Variants in KDELR1 observed in about 807,000 individuals in gnomAD.
The protein encoded by KDELR1 is ER lumen protein-retaining receptor 1.
In KDELR1, 16 loss-of-function variants were observed where a neutral mutation model predicts 25.5. The observed-to-expected ratio is 0.63, with a 90% CI of 0.43 to 0.95. The LOEUF (loss-of-function observed/expected upper bound fraction) is 0.95, where lower values mean the gene tolerates loss of function less well. KDELR1 is among the 40% of genes least tolerant of loss of function. The pLI, the probability that KDELR1 is intolerant of heterozygous loss-of-function variation, is 0.00. For synonymous variants in KDELR1, 121 were observed against 115.0 expected (o/e 1.05, Z -0.33); for missense variants, 159 against 265.2 (o/e 0.60, Z 2.78).
chr19:48,391,469 C>G lies in KDELR1; in HGVS notation c.-111G>C. ...CTGGGCTGGGGGGACGGAAGAGGGA[C>G]CCTAGGTGCGCTCCGCTCCGGGGAG... On this transcript the variant is annotated 5_prime_UTR_variant, in exon 1 of 5. Coordinates refer to ENST00000330720, the MANE Select transcript of KDELR1 (RefSeq NM_006801.3). The G allele has an allele frequency of 3.7e-6, 3 of 801,850 alleles. No individual in the cohort carries two copies. In the South Asian group the frequency reaches 4.7e-5, roughly 12 times the overall value. The allele number at this position is 801,850 out of a possible 1,614,324, so 49.7% of individuals were successfully genotyped here.
chr19:48,391,124 C>T, intron 1 of KDELR1, 144 bp downstream of exon 1: 1 of 733,866 alleles, frequency 1.4e-6, no homozygotes. Context: ...CCCTGGAGAC[C>T]CAGAACCTAG....
chr19:48,393,955 GGTCT>G (rs1296745884), upstream of KDELR1, among the ~76,000 whole-genome samples: 2 of 152,088 alleles, frequency 1.3e-5, no homozygotes, highest in South Asian at 2.1e-4. This position sits in a 1 kb window ranked among gnomAD's most constrained non-coding sequence, Gnocchi z 5.6. Flanking sequence ...GGGAGGGAGG[GGTCT>G]GTCTGTCTGT....
At chr19:48,386,107 T>C (rs1424455917) in intron 3 of KDELR1, among the ~76,000 whole-genome samples, 1 of 151,646 alleles carries the variant, frequency 6.6e-6, no homozygotes, top group African/African-American at 2.4e-5. Flanking sequence ...AGAAGGTCTG[T>C]TGCTTTTTTT....
At chr19:48,390,705 G>A (rs1489768806) in intron 1 of KDELR1, 181 bp from the exon 2 acceptor site, 3 of 556,048 alleles carry the variant, frequency 5.4e-6, no homozygotes, top group Non-Finnish European at 9.6e-6. Context: ...GTCCCCGGAG[G>A]CCTCCCCAGC....
intron 3 of KDELR1, chr19:48,387,714 G>A (rs1438873867): frequency 1.3e-5 from 2 of 149,876 alleles, no homozygotes; most frequent in African/African-American, 2.5e-5. Flanking sequence ...AAGAAATATA[G>A]TCTGAATCTG....
intron 2 of KDELR1, 85 bp downstream of exon 2, chr19:48,390,339 C>A: frequency 1.0e-6 from 1 of 999,702 alleles, no homozygotes; most frequent in Non-Finnish European, 1.5e-6. Context: ...CCCCCAGCCC[C>A]TCCTCCCTCA....
At chr19:48,390,202 G>A in intron 2 of KDELR1, 1 of 366,404 alleles carries the variant, frequency 2.7e-6, no homozygotes, top group Non-Finnish European at 4.8e-6. Flanking sequence ...TCCTCCCTCA[G>A]ACCCAGGAGT....
chr19:48,384,559 C>G lies in KDELR1; in HGVS notation c.352-77G>C, dbSNP rs909885691. 2.6e-6 allele frequency: 4 copies of G among 1,518,618 alleles called. No homozygotes were observed. The African/African-American group carries it at 5.5e-5, about 21-fold the overall frequency. The allele number at this position is 1,518,618 out of a possible 1,614,324, so 94.1% of individuals were successfully genotyped here. The stretch of plus-strand genomic sequence containing the variant: ...AAGGCAGAGGACAACATTGCAGTTA[C>G]AGGTGCCGCGAAGGTGGAGAGAAGG... On this transcript the variant is annotated intron_variant, in intron 3 of 4. Transcript: ENST00000330720. The surrounding 1 kb of genome is among the most constrained non-coding windows in gnomAD (Gnocchi z 4.6).
Position 48,383,329 on chromosome 19 carries a change from T to C in KDELR1, c.605-2A>G. On this transcript the variant is annotated splice_acceptor_variant, in intron 4 of 4. Transcript: ENST00000330720. LOFTEE classifies it high-confidence loss of function. ...AACTCAACTTCTTCCCCTTTAGGAC[T>C]GTGAGGAGAGAAAACAGGGAGGGCA... The C allele has an allele frequency of 6.4e-7, 1 of 1,551,940 alleles. No individual in the cohort carries two copies. Among genetic ancestry groups the C allele is most frequent in the Non-Finnish European group, 8.7e-7 (1 of 1,147,162 alleles).
chr19:48,394,255 A>G (rs276716), upstream of KDELR1, among the ~76,000 whole-genome samples: 95,488 of 151,184 alleles, frequency 0.63, 31,632 homozygotes, highest in East Asian at 0.85. This position sits in a 1 kb window ranked among gnomAD's most constrained non-coding sequence, Gnocchi z 5.1. Context: ...GGGAAGTGAG[A>G]TCGTGCGTGT....
rs1236098581 is a variant in KDELR1, at chr19:48,391,368, A to C, written c.-10T>G. ...ATCGGAAGAGATTCATGGCTGGGGA[A>C]CCCTGGCAGGGCTGAGCGGGAGGGA... On this transcript the variant is annotated 5_prime_UTR_variant, in exon 1 of 5. Transcript: ENST00000330720. 11 of 1,550,114 alleles carry C rather than the reference A, an allele frequency of 7.1e-6. No individual in the cohort carries two copies. The highest frequency in any genetic ancestry group is 9.6e-6 in the Non-Finnish European group (11 of 1,145,706).
At chr19:48,386,017 G>A (rs971639765) in intron 3 of KDELR1, among the ~76,000 whole-genome samples, 16 of 151,996 alleles carry the variant, frequency 1.1e-4, no homozygotes, top group African/African-American at 3.4e-4. Flanking sequence ...GCTGGGAAAC[G>A]AACCCATTAA....
intron 1 of KDELR1, chr19:48,390,977 C>T (rs1970543797): frequency 3.9e-6 from 2 of 509,070 alleles, no homozygotes; most frequent in Non-Finnish European, 3.5e-6. Flanking sequence ...CACCTCCCCG[C>T]CTGCCATGGT....
At chr19:48,393,814 C>T (rs1474461545), upstream of KDELR1, among the ~76,000 whole-genome samples, 1 of 151,998 alleles carries the variant, frequency 6.6e-6, no homozygotes, top group Non-Finnish European at 1.5e-5. The surrounding 1 kb of genome is among the most constrained non-coding windows in gnomAD (Gnocchi z 5.6). Flanking sequence ...GGGGGTGTTG[C>T]CTGGGTAGGT....
upstream of KDELR1, among the ~76,000 whole-genome samples, chr19:48,396,144 G>A (rs1213386577): frequency 6.6e-6 from 1 of 152,026 alleles, no homozygotes; most frequent in East Asian, 1.9e-4. Context: ...GATGGAAGTG[G>A]AAACGGAGGC....
chr19:48,394,390 C>T (rs562249116), upstream of KDELR1, among the ~76,000 whole-genome samples: 22 of 149,388 alleles, frequency 1.5e-4, 1 homozygote, highest in South Asian at 2.5e-3. This position sits in a 1 kb window ranked among gnomAD's most constrained non-coding sequence, Gnocchi z 5.1. Flanking sequence ...GCTCCTCACA[C>T]GCACACACCA....
chr19:48,396,808 T>C, the KDELR1 span, among the ~76,000 whole-genome samples: 1 of 152,034 alleles, frequency 6.6e-6, no homozygotes, highest in East Asian at 1.9e-4. Context: ...GGACGAGGCC[T>C]GCGCTACCAT....
In KDELR1 at chr19:48,389,637, G is replaced by T; in HGVS notation, c.267C>A (p.Asn89Lys). 6.2e-7 allele frequency: 1 copy of T among 1,614,162 alleles called. No homozygotes were observed. ...YSKFKATYDGNHDTFRVEFLV... is the reference protein window; with the variant it reads ...YSKFKATYDGKHDTFRVEFLV... Reference sequence around the variant, plus strand: ...GGAACTCCACTCTGAACGTGTCATGGTTCCCATCGTAAGTAGCTTTGAACT... The same window carrying T: ...GGAACTCCACTCTGAACGTGTCATGTTTCCCATCGTAAGTAGCTTTGAACT... The change falls in exon 3 of 5, where the codon AAC becomes AAA. Residue 89 changes from asparagine to lysine, a missense_variant. Physicochemically the swap from Asn to Lys is moderately conservative, Grantham distance 94. Transcript: ENST00000330720.
upstream of KDELR1, among the ~76,000 whole-genome samples, chr19:48,393,241 G>A (rs562974572): frequency 1.2e-4 from 19 of 152,138 alleles, no homozygotes; most frequent in South Asian, 1.2e-3. The surrounding 1 kb of genome is among the most constrained non-coding windows in gnomAD (Gnocchi z 5.6). Flanking sequence ...GGAGGGGCTG[G>A]GGGGTGGGAC....
Sources: allele counts gnomAD v4.1 joint callset (sites outside exome capture counted in the v4.1 genomes callset), GRCh38; gene constraint gnomAD v4.1.1; non-coding constraint Gnocchi (gnomAD v3.1); transcripts MANE v1.5; gene names NCBI Gene and HGNC (gene_info 2026-07-23, HGNC 2026-07-21).